CBR4: variants seen among roughly 807,000 people sequenced by gnomAD.
CBR4 encodes the protein carbonyl reductase 4.
Under a neutral mutation model 21.0 loss-of-function variants are expected in CBR4, and 22 were observed. The ratio of observed to expected loss-of-function variants is 1.05; its 90% CI spans 0.75 to 1.50. The LOEUF (loss-of-function observed/expected upper bound fraction) is 1.50, where lower values mean the gene tolerates loss of function less well. Among genes scored for constraint, CBR4 ranks in the 40% most tolerant of loss-of-function variants. CBR4 has a pLI of 0.00. For synonymous variants in CBR4, 100 were observed against 104.4 expected (o/e 0.96, Z 0.26); for missense variants, 302 against 286.3 (o/e 1.05, Z -0.40).
chr4:169,004,696 C>T (rs113562642), intron 3 of CBR4, among the ~76,000 whole-genome samples: 144 of 152,276 alleles, frequency 9.5e-4, no homozygotes, highest in African/African-American at 3.3e-3. Flanking sequence ...TCCGGTGGAG[C>T]AGAACCAAAG....
intron 2 of CBR4, among the ~76,000 whole-genome samples, chr4:168,968,144 T>A (rs1355126521): frequency 6.6e-6 from 1 of 152,190 alleles, no homozygotes; most frequent in Non-Finnish European, 1.5e-5. Context: ...AGGTTGGTAA[T>A]CGTGAATTTA....
At chr4:169,008,002 G>A (rs1375425790) in intron 1 of CBR4, among the ~76,000 whole-genome samples, 2 of 152,140 alleles carry the variant, frequency 1.3e-5, no homozygotes, top group African/African-American at 4.8e-5. Flanking sequence ...AATCAACAAA[G>A]GGGGGAGGGC....
chr4:169,009,093 C>T (rs1055538964), intron 1 of CBR4: 7 of 438,598 alleles, frequency 1.6e-5, no homozygotes, highest in Non-Finnish European at 2.2e-5. Flanking sequence ...TACACAAAAA[C>T]AGTAAGAGCC....
chr4:168,997,207 G>A (rs1379240243), intron 4 of CBR4, among the ~76,000 whole-genome samples: 3 of 152,162 alleles, frequency 2.0e-5, no homozygotes, highest in African/African-American at 7.2e-5. Context: ...GCATCACCTG[G>A]ACAGTCAGAG....
rs945918436 is a variant in CBR4, at chr4:168,988,821, G to C, written c.*1329C>G. On this transcript the variant is annotated 3_prime_UTR_variant, in exon 5 of 5. Coordinates refer to ENST00000306193, the MANE Select transcript of CBR4 (RefSeq NM_032783.5). Reference sequence around the variant, plus strand: ...GAATTTTTATTTAGAACACTGCTTTGACTTTTGTTATTACTTTGTATTTAT... The same window carrying C: ...GAATTTTTATTTAGAACACTGCTTTCACTTTTGTTATTACTTTGTATTTAT... The C allele has an allele frequency of 1.1e-6, 1 of 951,654 alleles. No individual in the cohort carries two copies. The highest frequency in any genetic ancestry group is 1.3e-6 in the Non-Finnish European group (1 of 799,470). The allele number at this position is 951,654 out of a possible 1,614,324, so 59.0% of individuals were successfully genotyped here.
chr4:168,982,938 C>T (rs2126786950), downstream of CBR4, among the ~76,000 whole-genome samples: 1 of 152,144 alleles, frequency 6.6e-6, no homozygotes, highest in Non-Finnish European at 1.5e-5. Flanking sequence ...GCAAAGTTCA[C>T]AGCACTAAAT....
intron 4 of CBR4, among the ~76,000 whole-genome samples, chr4:168,994,228 G>A (rs952108699): frequency 3.9e-5 from 6 of 152,240 alleles, no homozygotes; most frequent in Non-Finnish European, 8.8e-5. Context: ...GGATGGGTCT[G>A]GCTAGTTATC....
Position 168,988,142 on chromosome 4 carries a change from AG to A in CBR4, c.*2007del. 1.0e-6 allele frequency: 1 copy of A among 985,380 alleles called. No homozygotes were observed. The highest frequency in any genetic ancestry group is 1.7e-5 in the African/African-American group (1 of 57,356). The allele number at this position is 985,380 out of a possible 1,614,324, so 61.0% of individuals were successfully genotyped here. A position where few individuals can be genotyped will look rare whatever the true frequency, so the allele number is the denominator to read the frequency against. ...GTTCACAACTGATTTCAGAAATAGA[AG>A]GTAAGTATTAAATTACAAATTCTAC... is the stretch of plus-strand genomic sequence containing the variant. On this transcript the variant is annotated 3_prime_UTR_variant, in exon 5 of 5. Coordinates refer to ENST00000306193, the MANE Select transcript of CBR4 (RefSeq NM_032783.5).
chr4:168,956,597 C>CAAAAAA (rs59962690), intron 2 of CBR4, among the ~76,000 whole-genome samples: 9 of 29,704 alleles, frequency 3.0e-4, no homozygotes, highest in Non-Finnish European at 3.8e-4. Context: ...GACCCTGTCT[C>CAAAAAA]AAAAAAAAAA....
chr4:168,985,645 A>G (rs113946426), downstream of CBR4, among the ~76,000 whole-genome samples: 743 of 152,282 alleles, frequency 4.9e-3, 7 homozygotes, highest in Admixed American at 5.5e-3. Context: ...CCCCATCAAT[A>G]GTGGACTGGA....
intron 2 of CBR4, chr4:168,925,046 TTG>T (rs1762302666): frequency 6.2e-7 from 1 of 1,614,118 alleles, no homozygotes; most frequent in Non-Finnish European, 8.5e-7. Context: ...GAAGCAGGGA[TTG>T]TGTCCTGTAC....
intron 2 of CBR4, among the ~76,000 whole-genome samples, chr4:168,916,187 C>T (rs1252577685): frequency 6.6e-6 from 1 of 152,176 alleles, no homozygotes; most frequent in Non-Finnish European, 1.5e-5. Context: ...CAAAGCCGGG[C>T]AGATCGCTTG....
In CBR4 at chr4:168,934,289, A is replaced by AC. The variant is rs1261376453; in HGVS notation, n.170-39525_170-39524insG. On this transcript the variant is annotated intron_variant and non_coding_transcript_variant, in intron 2 of 3. Transcript: ENST00000509108. The stretch of plus-strand genomic sequence containing the variant: ...CTAGAAAAGCAAAAAAAACAAAAAA[A>AC]AAAAAAAAAAAAAAAGCAAGCCAAA... 8.6e-3 allele frequency among the ~76,000 whole-genome samples: 1,269 copies of AC among 148,054 alleles called. 15 individuals carry two copies. Among genetic ancestry groups the AC allele is most frequent in the African/African-American group, 0.03 (1,193 of 40,204 alleles).
At chr4:168,919,569 C>G (rs1035885260) in intron 2 of CBR4, among the ~76,000 whole-genome samples, 2 of 148,724 alleles carry the variant, frequency 1.3e-5, no homozygotes, top group African/African-American at 5.0e-5. Flanking sequence ...ACAGATAGAT[C>G]AGGAAAAAAA....
At chr4:168,990,597 T>C (rs938025754) in intron 4 of CBR4, among the ~76,000 whole-genome samples, 9 of 151,766 alleles carry the variant, frequency 5.9e-5, no homozygotes, top group Non-Finnish European at 8.8e-5. Flanking sequence ...CCACCACACC[T>C]GGCTAGTTTT....
At chr4:168,894,740 T>C (rs947361342) in exon 3 of CBR4, 4 of 1,574,994 alleles carry the variant, frequency 2.5e-6, no homozygotes, top group African/African-American at 2.7e-5. Context: ...CCATCTTCCT[T>C]ATGGATACTG....
At chr4:168,998,063 T>C (rs777719431) in intron 4 of CBR4, among the ~76,000 whole-genome samples, 2 of 152,212 alleles carry the variant, frequency 1.3e-5, no homozygotes, top group African/African-American at 2.4e-5. Flanking sequence ...AACAAACTCA[T>C]GCAAATCTTT....
chr4:168,968,631 T>C (rs890339893), intron 2 of CBR4, among the ~76,000 whole-genome samples: 4 of 152,206 alleles, frequency 2.6e-5, no homozygotes, highest in East Asian at 3.8e-4. Context: ...AATTGCTTGA[T>C]TGAATGTACT....
In CBR4 at chr4:169,010,133, C is replaced by T; in HGVS notation, c.-44G>A. 3 of 1,520,492 alleles carry T rather than the reference C, an allele frequency of 2.0e-6. No individual in the cohort carries two copies. Among genetic ancestry groups the T allele is most frequent in the East Asian group, 2.6e-5 (1 of 38,824 alleles). The allele number at this position is 1,520,492 out of a possible 1,614,324, so 94.2% of individuals were successfully genotyped here. ...GAGGAAAGAGGGTAGGGAGTGGGAG[C>T]CCCTCTCCAGGTTCCCTCAGGCTTT... On this transcript the variant is annotated 5_prime_UTR_variant, in exon 1 of 5. Coordinates refer to ENST00000306193, the MANE Select transcript of CBR4 (RefSeq NM_032783.5).
Sources: allele counts gnomAD v4.1 joint callset (sites outside exome capture counted in the v4.1 genomes callset), GRCh38; gene constraint gnomAD v4.1.1; transcripts MANE v1.5; gene names NCBI Gene and HGNC (gene_info 2026-07-23, HGNC 2026-07-21).